Variants in FANCC observed in about 807,000 individuals in gnomAD.
FANCC encodes the protein Fanconi anemia group C protein.
A neutral mutation model predicts 71.3 loss-of-function variants in FANCC; 55 were observed. The observed-to-expected ratio is 0.77, with a 90% CI of 0.62 to 0.97. The LOEUF (loss-of-function observed/expected upper bound fraction) is 0.97, where lower values mean the gene tolerates loss of function less well. Ranked by LOEUF, FANCC falls within the 50% of genes least tolerant of loss-of-function variation. The probability of loss-of-function intolerance (pLI) is 0.00; values close to 1 mark genes in which losing one functional copy is unlikely to be tolerated. For missense variants in FANCC, 678 were observed against 670.9 expected (o/e 1.01, Z -0.12); for synonymous variants, 275 against 244.9 (o/e 1.12, Z -1.15).
chr9:95,282,412 G>A (rs1382680909), intron 1 of FANCC, among the ~76,000 whole-genome samples: 1 of 152,040 alleles, frequency 6.6e-6, no homozygotes, highest in Non-Finnish European at 1.5e-5. Context: ...TGCACCCAAT[G>A]TCAGAGCACC....
At chr9:95,120,236 T>G (rs554976920) in intron 10 of FANCC, among the ~76,000 whole-genome samples, 12 of 152,322 alleles carry the variant, frequency 7.9e-5, no homozygotes, top group African/African-American at 2.9e-4. Flanking sequence ...CATATGGACA[T>G]CCAGTTATTC....
At chr9:95,135,687 T>C (rs1425105493) in intron 7 of FANCC, 185 bp from the exon 8 acceptor site, 1 of 605,824 alleles carries the variant, frequency 1.7e-6, no homozygotes, top group Non-Finnish European at 2.9e-6. Flanking sequence ...ATAATGTGAA[T>C]ATGCTTCCAC....
At chr9:95,268,901 G>C (rs1475870882) in intron 1 of FANCC, among the ~76,000 whole-genome samples, 2 of 152,186 alleles carry the variant, frequency 1.3e-5, no homozygotes, top group Non-Finnish European at 2.9e-5. Flanking sequence ...ACCAGCCGCT[G>C]TGCTCTCAGA....
chr9:95,157,219 A>G (rs1007542027), intron 6 of FANCC, among the ~76,000 whole-genome samples: 2 of 152,226 alleles, frequency 1.3e-5, no homozygotes, highest in African/African-American at 4.8e-5. Flanking sequence ...AGATTCAAAA[A>G]GTCTCAGAAA....
At chr9:95,312,192 A>C (rs760529882) in intron 1 of FANCC, among the ~76,000 whole-genome samples, 267 of 152,376 alleles carry the variant, frequency 1.8e-3, no homozygotes, top group Non-Finnish European at 2.1e-3. Flanking sequence ...GAGAAACCTT[A>C]GGATTAACTT....
chr9:95,101,665 C>T lies in FANCC; in HGVS notation c.*42G>A, dbSNP rs7029888. 7,415 of 1,611,208 alleles carry T rather than the reference C, an allele frequency of 4.6e-3. 316 individuals are homozygous for T. The African/African-American group carries it at 0.088, about 19-fold the overall frequency. ...TCACCTGTCCTGTGGCCCTGGCGAG[C>T]CTGATCCCTCACGCCGGGCACCCAC... On this transcript the variant is annotated 3_prime_UTR_variant, in exon 15 of 15. Coordinates refer to ENST00000289081, the MANE Select transcript of FANCC (RefSeq NM_000136.3).
At chr9:95,286,364 G>A (rs998194227) in intron 1 of FANCC, among the ~76,000 whole-genome samples, 1 of 152,178 alleles carries the variant, frequency 6.6e-6, no homozygotes, top group East Asian at 1.9e-4. Context: ...AATACGTGGA[G>A]ATGTCTGGTG....
chr9:95,265,144 C>CT (rs1832309698), intron 1 of FANCC, among the ~76,000 whole-genome samples: 1 of 152,018 alleles, frequency 6.6e-6, no homozygotes, highest in African/African-American at 2.4e-5. Context: ...CGTTCCACCT[C>CT]TGAGATAGTC....
chr9:95,131,068 A>C (rs910236689), intron 8 of FANCC, among the ~76,000 whole-genome samples: 4 of 152,214 alleles, frequency 2.6e-5, no homozygotes, highest in African/African-American at 9.6e-5. Context: ...CTTTCTTTTT[A>C]ATCTTTACCA....
chr9:95,294,438 TGACA>T (rs1268228655), intron 1 of FANCC: 12 of 1,604,594 alleles, frequency 7.5e-6, no homozygotes, highest in East Asian at 2.2e-5. Context: ...TTGAGATGTT[TGACA>T]GACAAACACA....
At chr9:95,136,806 A>AC (rs1215408609) in intron 7 of FANCC, among the ~76,000 whole-genome samples, 1 of 152,196 alleles carries the variant, frequency 6.6e-6, no homozygotes, top group East Asian at 1.9e-4. Flanking sequence ...TTGTGTAGCT[A>AC]CATTTGTTTC....
intron 4 of FANCC, among the ~76,000 whole-genome samples, chr9:95,210,903 T>C (rs1199736671): frequency 6.6e-6 from 1 of 152,192 alleles, no homozygotes; most frequent in Non-Finnish European, 1.5e-5. Flanking sequence ...CAATAGATCT[T>C]TGTAACCTGA....
chr9:95,257,893 T>C (rs1484680133), intron 1 of FANCC, among the ~76,000 whole-genome samples: 2 of 152,138 alleles, frequency 1.3e-5, no homozygotes, highest in Non-Finnish European at 2.9e-5. Context: ...CAGAGAATAC[T>C]ATAAACACCT....
intron 10 of FANCC, chr9:95,123,977 C>G (rs4647520): frequency 0.016 from 5,812 of 357,304 alleles, 95 homozygotes; most frequent in Middle Eastern, 0.055. Flanking sequence ...GTGACATGCA[C>G]CTGTGGTCCC....
chr9:95,137,458 C>T (rs1827866501), intron 7 of FANCC, among the ~76,000 whole-genome samples: 1 of 152,104 alleles, frequency 6.6e-6, no homozygotes, highest in African/African-American at 2.4e-5. Flanking sequence ...TGTCCAGGAC[C>T]CACCGGCAGG....
chr9:95,134,327 T>C (rs1827328728), intron 8 of FANCC, among the ~76,000 whole-genome samples: 1 of 151,950 alleles, frequency 6.6e-6, no homozygotes, highest in East Asian at 1.9e-4. Context: ...GAGGTAGGGG[T>C]TCTATGAGCT....
chr9:95,247,413 A>G lies in FANCC; in HGVS notation c.250+19T>C. 6.4e-7 allele frequency: 1 copy of G among 1,571,774 alleles called. No individual in the cohort carries two copies. Among genetic ancestry groups the G allele is most frequent in the Non-Finnish European group, 8.8e-7 (1 of 1,141,532 alleles). Reference sequence around the variant, plus strand: ...AGATTAAAATAGCCATTTTGAGAGGACACGTTTTTGATTCTTACCATATGC... The same window carrying G: ...AGATTAAAATAGCCATTTTGAGAGGGCACGTTTTTGATTCTTACCATATGC... On this transcript the variant is annotated intron_variant, in intron 3 of 14. Coordinates refer to ENST00000289081, the MANE Select transcript of FANCC (RefSeq NM_000136.3).
At chr9:95,291,975 T>TAC (rs1834045562) in intron 1 of FANCC, among the ~76,000 whole-genome samples, 1 of 123,230 alleles carries the variant, frequency 8.1e-6, no homozygotes, top group Non-Finnish European at 1.7e-5. Context: ...AAAATATATA[T>TAC]ATATATATAT....
intron 3 of FANCC, among the ~76,000 whole-genome samples, chr9:95,241,577 A>C (rs1260520296): frequency 6.6e-6 from 1 of 152,204 alleles, no homozygotes; most frequent in Non-Finnish European, 1.5e-5. Context: ...CAGACTTTAC[A>C]AGGCCATGGA....
Sources: gnomAD v4.1 joint callset for allele counts (sites outside exome capture counted in the v4.1 genomes callset) on GRCh38, gnomAD v4.1.1 for gene constraint, MANE v1.5 for transcripts, NCBI Gene and HGNC (gene_info 2026-07-23, HGNC 2026-07-21) for gene names.